Variants in GRAMD1B observed in about 807,000 individuals in gnomAD.
GRAMD1B encodes the protein protein Aster-B.
Under a neutral mutation model 99.7 loss-of-function variants are expected in GRAMD1B, and 37 were observed. The observed-to-expected ratio is 0.37, with a 90% CI of 0.29 to 0.49. GRAMD1B has a LOEUF of 0.49. Among genes scored for constraint, GRAMD1B ranks in the 20% least tolerant of loss-of-function variants. GRAMD1B has a pLI of 0.98. For synonymous variants in GRAMD1B, 427 were observed against 387.6 expected (o/e 1.10, Z -1.19); for missense variants, 888 against 1,009.2 (o/e 0.88, Z 1.63).
intron 1 of GRAMD1B, among the ~76,000 whole-genome samples, chr11:123,414,389 A>G (rs1187306945): frequency 1.3e-5 from 2 of 152,118 alleles, no homozygotes; most frequent in Non-Finnish European, 2.9e-5. Flanking sequence ...TCTTACTAGT[A>G]TTTATTGAGC....
intron 2 of GRAMD1B, among the ~76,000 whole-genome samples, chr11:123,482,538 C>T (rs1051723256): frequency 2.6e-5 from 4 of 152,094 alleles, no homozygotes; most frequent in African/African-American, 7.2e-5. Flanking sequence ...TTTTTATTTG[C>T]CAGCCAAATA....
At chr11:123,603,565 C>T in intron 9 of GRAMD1B, 24 bp downstream of exon 9, 2 of 1,436,250 alleles carry the variant, frequency 1.4e-6, no homozygotes, top group Non-Finnish European at 2.0e-6. Context: ...AGGGCGGCTG[C>T]CCAGAGGCAG....
chr11:123,479,283 C>G (rs1951461994), intron 1 of GRAMD1B, among the ~76,000 whole-genome samples: 1 of 152,184 alleles, frequency 6.6e-6, no homozygotes, highest in African/African-American at 2.4e-5. Flanking sequence ...TCATTTACTT[C>G]TTGCTGGAAG....
chr11:123,512,641 G>C (rs1263421490), intron 2 of GRAMD1B, among the ~76,000 whole-genome samples: 1 of 150,080 alleles, frequency 6.7e-6, no homozygotes, highest in African/African-American at 2.4e-5. Context: ...TCAGGACCTT[G>C]ACCAAGAGAG....
At chr11:123,488,950 T>C (rs1404056864) in intron 2 of GRAMD1B, among the ~76,000 whole-genome samples, 1 of 151,900 alleles carries the variant, frequency 6.6e-6, no homozygotes, top group Admixed American at 6.6e-5. Flanking sequence ...GGTCCTTACC[T>C]CTCTGCGTAC....
chr11:123,499,352 T>G (rs1565302709), intron 2 of GRAMD1B, among the ~76,000 whole-genome samples: 1 of 152,164 alleles, frequency 6.6e-6, no homozygotes, highest in Non-Finnish European at 1.5e-5. Context: ...CTATACGAAA[T>G]AAATTTCTTT....
intron 1 of GRAMD1B, among the ~76,000 whole-genome samples, chr11:123,463,587 G>T (rs1950536059): frequency 1.3e-5 from 2 of 152,336 alleles, no homozygotes; most frequent in Middle Eastern, 6.8e-3. Flanking sequence ...CGTCTCACTG[G>T]TAATAACTGT....
chr11:123,613,791 T>A, intron 16 of GRAMD1B, 133 bp downstream of exon 16: 1 of 656,992 alleles, frequency 1.5e-6, no homozygotes, highest in Non-Finnish European at 2.7e-6. Flanking sequence ...CGTAAGTCAC[T>A]AAATCTGAGG....
intron 1 of GRAMD1B, among the ~76,000 whole-genome samples, chr11:123,388,397 G>A (rs1166275526): frequency 2.6e-5 from 4 of 151,918 alleles, no homozygotes; most frequent in Non-Finnish European, 4.4e-5. Context: ...GAGGAGCTGG[G>A]TGCGGTGGCT....
At position 123,608,703 on chromosome 11, in the gene GRAMD1B, G is replaced by A. The variant is rs750631307; in HGVS notation, c.1558G>A (p.Val520Met). The A allele has an allele frequency of 1.5e-5, 24 of 1,564,236 alleles. No homozygotes were observed. Among genetic ancestry groups the A allele is most frequent in the Admixed American group, 3.8e-5 (2 of 52,768 alleles). Residue 520 changes from valine (V) to methionine (M), a missense_variant, in exon 12 of 20, where the codon GTG becomes ATG. By Grantham distance (21) the Val-to-Met change is conservative (BLOSUM62 1). This residue lies in a region of GRAMD1B where 269 missense variants were observed against 296.6 expected (regional missense o/e 0.91). Transcript: ENST00000635736. Reference protein sequence around the residue: ...FYEDLSGRQYVNEVFNFSVDK... With the variant: ...FYEDLSGRQYMNEVFNFSVDK... ...TGAGGACCTGAGTGGCCGGCAGTACGTGAATGAAGTCTTCAACTTCAGCGT... is the reference window on the plus strand; with the variant it reads ...TGAGGACCTGAGTGGCCGGCAGTACATGAATGAAGTCTTCAACTTCAGCGT...
intron 1 of GRAMD1B, among the ~76,000 whole-genome samples, chr11:123,389,812 C>G (rs548637756): frequency 1.3e-5 from 2 of 152,152 alleles, no homozygotes; most frequent in Non-Finnish European, 2.9e-5. Context: ...GTGGTACAAT[C>G]TGGGCTCACT....
intron 1 of GRAMD1B, among the ~76,000 whole-genome samples, chr11:123,414,631 C>G (rs1174738431): frequency 2.6e-5 from 4 of 152,146 alleles, no homozygotes; most frequent in African/African-American, 9.7e-5. Context: ...CACCTTCCAA[C>G]CTGTTTTTTT....
intron 1 of GRAMD1B, among the ~76,000 whole-genome samples, chr11:123,392,279 C>A (rs1289260706): frequency 1.3e-5 from 2 of 151,746 alleles, no homozygotes; most frequent in Admixed American, 1.3e-4. Context: ...CTAGTTTTAG[C>A]CTCCAGGTTT....
chr11:123,419,678 A>G (rs1295751970), intron 1 of GRAMD1B, among the ~76,000 whole-genome samples: 1 of 148,744 alleles, frequency 6.7e-6, no homozygotes, highest in Non-Finnish European at 1.5e-5. Flanking sequence ...TGGTGCAAGA[A>G]GGGAGTCGGG....
At chr11:123,411,236 T>A (rs934616558) in intron 1 of GRAMD1B, among the ~76,000 whole-genome samples, 1 of 151,964 alleles carries the variant, frequency 6.6e-6, no homozygotes, top group African/African-American at 2.4e-5. Flanking sequence ...GATCTCCTGA[T>A]CTCGTGATCC....
intron 1 of GRAMD1B, among the ~76,000 whole-genome samples, chr11:123,374,174 C>T (rs920512112): frequency 6.6e-6 from 1 of 152,166 alleles, no homozygotes; most frequent in African/African-American, 2.4e-5. Flanking sequence ...TCTCTGTTAT[C>T]TATATTAGTG....
intron 2 of GRAMD1B, among the ~76,000 whole-genome samples, chr11:123,516,125 C>T (rs1002780991): frequency 5.3e-5 from 8 of 152,182 alleles, no homozygotes; most frequent in Non-Finnish European, 7.3e-5. Flanking sequence ...CAATTCATTA[C>T]CAATCCATGT....
At chr11:123,421,193 A>G (rs921736823) in intron 1 of GRAMD1B, among the ~76,000 whole-genome samples, 1 of 151,994 alleles carries the variant, frequency 6.6e-6, no homozygotes, top group Admixed American at 6.5e-5. Context: ...CCCAAATGCC[A>G]GTAACCATTC....
intron 1 of GRAMD1B, among the ~76,000 whole-genome samples, chr11:123,456,150 G>C (rs973247453): frequency 6.6e-6 from 1 of 152,096 alleles, no homozygotes; most frequent in Non-Finnish European, 1.5e-5. Flanking sequence ...ACTCCAGCCT[G>C]GGCGACAGAG....
Sources: allele counts gnomAD v4.1 joint callset (sites outside exome capture counted in the v4.1 genomes callset), GRCh38; gene constraint gnomAD v4.1.1; regional missense constraint gnomAD v4.1.1; transcripts MANE v1.5; gene names NCBI Gene and HGNC (gene_info 2026-07-23, HGNC 2026-07-21).